RAB5A: variants seen among roughly 807,000 people sequenced by gnomAD.
RAB5A encodes ras-related protein Rab-5A.
A neutral mutation model predicts 25.7 loss-of-function variants in RAB5A; 8 were observed. The observed-to-expected ratio is 0.31, with a 90% CI of 0.18 to 0.56. The LOEUF (loss-of-function observed/expected upper bound fraction) is 0.56, where lower values mean the gene tolerates loss of function less well. RAB5A is among the 20% of genes least tolerant of loss of function. RAB5A has a pLI of 0.91. For missense variants in RAB5A, 192 were observed against 259.7 expected (o/e 0.74, Z 1.79); for synonymous variants, 98 against 89.8 (o/e 1.09, Z -0.52).
intron 1 of RAB5A, among the ~76,000 whole-genome samples, chr3:19,949,498 A>C (rs1286844063): frequency 6.6e-6 from 1 of 152,166 alleles, no homozygotes; most frequent in Non-Finnish European, 1.5e-5. Context: ...CACTCTGTCC[A>C]GTGTGAAAGA....
chr3:19,950,811 T>C lies in RAB5A; in HGVS notation c.-88T>C. 2 of 1,346,474 alleles carry C rather than the reference T, an allele frequency of 1.5e-6. No individual in the cohort carries two copies. Among genetic ancestry groups the C allele is most frequent in the South Asian group, 2.9e-5 (2 of 67,918 alleles). The allele number at this position is 1,346,474 out of a possible 1,614,324, so 83.4% of individuals were successfully genotyped here. On this transcript the variant is annotated 5_prime_UTR_variant, in exon 2 of 6. Transcript: ENST00000273047. ...TCATAATTGTTTCTTTACAGGTTTC[T>C]TTACCTCCAGAAAGAAGAATATTGG...
intron 2 of RAB5A, among the ~76,000 whole-genome samples, chr3:19,961,590 A>AT (rs1292481571): frequency 3.3e-5 from 5 of 152,172 alleles, no homozygotes; most frequent in African/African-American, 1.2e-4. Flanking sequence ...CACCATTTTC[A>AT]TTTTTATGCC....
intron 5 of RAB5A, 90 bp from the exon 6 acceptor site, chr3:19,983,617 CT>C: frequency 2.2e-6 from 2 of 890,116 alleles, no homozygotes; most frequent in African/African-American, 1.7e-5. Context: ...TGGGGGTAAC[CT>C]AACTGGAAAG....
intron 2 of RAB5A, among the ~76,000 whole-genome samples, chr3:19,973,810 C>A (rs7637254): frequency 6.6e-6 from 1 of 151,964 alleles, no homozygotes; most frequent in African/African-American, 2.4e-5. Context: ...CCTAAAAGAG[C>A]GTGAAAAATA....
At chr3:19,979,278 G>A (rs1696876995) in intron 5 of RAB5A, among the ~76,000 whole-genome samples, 1 of 143,850 alleles carries the variant, frequency 7.0e-6, no homozygotes, top group Admixed American at 6.9e-5. Context: ...CCCAGCCTAA[G>A]GTACTTTCTT....
chr3:19,978,473 GTC>G lies in RAB5A; in HGVS notation c.532+74_532+75del, dbSNP rs571600243. The G allele has an allele frequency of 8.2e-5, 101 of 1,232,394 alleles. 1 individual carries two copies. The highest frequency in any genetic ancestry group is 1.1e-4 in the Non-Finnish European group (96 of 859,650). 76.3% of individuals were successfully genotyped at this position (1,232,394 alleles called of 1,614,324 possible). ...AGTGTGAAGCATATTTGGTTTGACTGTCTCTTTTTTAAAAAATTTTTGGGGGT... is the reference window on the plus strand; with the variant it reads ...AGTGTGAAGCATATTTGGTTTGACTGTCTTTTTTAAAAAATTTTTGGGGGT... On this transcript the variant is annotated intron_variant, in intron 5 of 5. Coordinates refer to ENST00000273047, the MANE Select transcript of RAB5A (RefSeq NM_004162.5).
At chr3:19,967,900 A>C (rs1396403423) in intron 2 of RAB5A, among the ~76,000 whole-genome samples, 3 of 152,206 alleles carry the variant, frequency 2.0e-5, no homozygotes, top group Non-Finnish European at 4.4e-5. Context: ...TAGGAAATAA[A>C]AATGGCCTCA....
At chr3:19,979,696 T>C (rs1233736811) in intron 5 of RAB5A, among the ~76,000 whole-genome samples, 2 of 152,144 alleles carry the variant, frequency 1.3e-5, no homozygotes, top group African/African-American at 2.4e-5. Context: ...TTTTGTTTTT[T>C]GGTTTTGGAT....
intron 2 of RAB5A, among the ~76,000 whole-genome samples, chr3:19,969,802 CTTTG>C (rs1285508531): frequency 6.6e-6 from 1 of 151,934 alleles, no homozygotes; most frequent in Non-Finnish European, 1.5e-5. Context: ...GTGGCGGTTA[CTTTG>C]TTTTTCTTTT....
intron 2 of RAB5A, among the ~76,000 whole-genome samples, chr3:19,953,443 T>C (rs1428137856): frequency 6.6e-6 from 1 of 150,492 alleles, no homozygotes; most frequent in Non-Finnish European, 1.5e-5. Flanking sequence ...ACAAGGTCTC[T>C]GTCGCCCAGG....
intron 1 of RAB5A, among the ~76,000 whole-genome samples, chr3:19,949,058 T>A (rs1373433006): frequency 2.0e-5 from 3 of 152,218 alleles, no homozygotes; most frequent in Non-Finnish European, 4.4e-5. Context: ...AGTTAGATAT[T>A]ATGGGAATAG....
chr3:19,981,735 A>C (rs543016031), intron 5 of RAB5A, among the ~76,000 whole-genome samples: 2 of 152,294 alleles, frequency 1.3e-5, no homozygotes, highest in South Asian at 2.1e-4. Flanking sequence ...ATCAGTGGGA[A>C]GCACACTCCA....
At chr3:19,968,196 A>T (rs1696687227) in intron 2 of RAB5A, among the ~76,000 whole-genome samples, 1 of 151,606 alleles carries the variant, frequency 6.6e-6, no homozygotes, top group African/African-American at 2.4e-5. Flanking sequence ...CTTTCCTTTT[A>T]GTTTTAATTT....
chr3:19,982,691 A>C lies in RAB5A; in HGVS notation c.533-1017A>C, dbSNP rs375699907. 2.6e-5 allele frequency among the ~76,000 whole-genome samples: 4 copies of C among 152,060 alleles called. No homozygotes were observed. In the East Asian group the frequency reaches 7.8e-4, roughly 30 times the overall value. On this transcript the variant is annotated intron_variant, in intron 5 of 5. Coordinates refer to ENST00000273047, the MANE Select transcript of RAB5A (RefSeq NM_004162.5). The stretch of plus-strand genomic sequence containing the variant: ...AAGTGAGACCCCATCTCACTTTGGA[A>C]CTCAGGACTGCAGTAAGCCATGATC...
At position 19,981,161 on chromosome 3, in the gene RAB5A, A is replaced by G. The variant is rs890344930; in HGVS notation, c.533-2547A>G. ...CTCAAAAAATGAATTTAGCACATCA[A>G]GGATCTTATGTATTAAAACAAACTA... On this transcript the variant is annotated intron_variant, in intron 5 of 5. Transcript: ENST00000273047. 3.9e-5 allele frequency among the ~76,000 whole-genome samples: 6 copies of G among 152,272 alleles called. No homozygotes were observed. The Middle Eastern group carries it at 0.01, about 259-fold the overall frequency.
chr3:19,975,992 T>C lies in RAB5A; in HGVS notation c.316-55T>C, dbSNP rs890511499. The C allele has an allele frequency of 8.9e-6, 14 of 1,577,128 alleles. No individual in the cohort carries two copies. In the African/African-American group the frequency reaches 1.9e-4, roughly 22 times the overall value. On this transcript the variant is annotated intron_variant, in intron 3 of 5. Coordinates refer to ENST00000273047, the MANE Select transcript of RAB5A (RefSeq NM_004162.5). Reference sequence around the variant, plus strand: ...CTTTTAAAGCCTTGTATCACAAAGATGCTTGGTAACCATTTTTTGAGCCTG... The same window carrying C: ...CTTTTAAAGCCTTGTATCACAAAGACGCTTGGTAACCATTTTTTGAGCCTG...
intron 1 of RAB5A, among the ~76,000 whole-genome samples, chr3:19,948,201 T>C (rs1696359647): frequency 6.6e-6 from 1 of 152,246 alleles, no homozygotes; most frequent in Admixed American, 6.5e-5. Flanking sequence ...CCCTGGAAGC[T>C]GCTTACCTCT....
chr3:19,947,743 C>T (rs547192725), intron 1 of RAB5A: 7 of 152,488 alleles, frequency 4.6e-5, no homozygotes, highest in African/African-American at 1.7e-4. Context: ...TGGGGACTGA[C>T]TGAGGGAGCG....
At chr3:19,966,091 T>C (rs1485590547) in intron 2 of RAB5A, among the ~76,000 whole-genome samples, 2 of 152,208 alleles carry the variant, frequency 1.3e-5, no homozygotes, top group Non-Finnish European at 2.9e-5. Flanking sequence ...TTAACCATTT[T>C]TGAATATACA....
Sources: gnomAD v4.1 joint callset for allele counts (sites outside exome capture counted in the v4.1 genomes callset) on GRCh38, gnomAD v4.1.1 for gene constraint, MANE v1.5 for transcripts, NCBI Gene and HGNC (gene_info 2026-07-23, HGNC 2026-07-21) for gene names.